Variants in TMEM108 observed in about 807,000 individuals in gnomAD.
TMEM108 encodes the protein cancer/testis antigen 124.
TMEM108 carries 12 observed loss-of-function variants against 35.1 expected under a neutral mutation model. The ratio of observed to expected loss-of-function variants is 0.34; its 90% CI spans 0.22 to 0.55. The LOEUF is 0.55. TMEM108 is among the 20% of genes least tolerant of loss of function. The pLI, the probability that TMEM108 is intolerant of heterozygous loss-of-function variation, is 0.89. For synonymous variants in TMEM108, 287 were observed against 308.6 expected, an observed-to-expected ratio of 0.93 and a Z score of 0.73; for missense variants, 680 against 753.3, an observed-to-expected ratio of 0.90 and a Z score of 1.14.
intron 2 of TMEM108, among the ~76,000 whole-genome samples, chr3:133,187,558 T>A (rs950355760): frequency 1.3e-5 from 2 of 152,214 alleles, no homozygotes; most frequent in African/African-American, 2.4e-5. Context: ...AAGACCAGCC[T>A]GGCCAACATA....
rs557040719 is a variant in TMEM108, at chr3:133,154,322, T to C, written c.-46-74944T>C. 1.8e-3 allele frequency among the ~76,000 whole-genome samples: 277 copies of C among 152,222 alleles called. 3 individuals are homozygous for C. The highest frequency in any genetic ancestry group is 6.5e-3 in the African/African-American group (272 of 41,544). ...GATCCCATTTGTCAATTTTGGCTTTTGTTGCCATTGCTTTTGGTGTTTTAG... is the reference window on the plus strand; with the variant it reads ...GATCCCATTTGTCAATTTTGGCTTTCGTTGCCATTGCTTTTGGTGTTTTAG... On this transcript the variant is annotated intron_variant, in intron 2 of 5. Coordinates refer to ENST00000321871, the MANE Select transcript of TMEM108 (RefSeq NM_023943.4).
intron 3 of TMEM108, among the ~76,000 whole-genome samples, chr3:133,292,038 A>C (rs375933351): frequency 6.6e-5 from 10 of 152,202 alleles, no homozygotes; most frequent in African/African-American, 2.4e-4. Context: ...TAGATTTAGT[A>C]CATTTGGGAT....
At chr3:133,183,091 A>G (rs1362385568) in intron 2 of TMEM108, among the ~76,000 whole-genome samples, 1 of 152,136 alleles carries the variant, frequency 6.6e-6, no homozygotes, top group Non-Finnish European at 1.5e-5. Flanking sequence ...TGCTCTAAGG[A>G]GCATTTCCTT....
intron 2 of TMEM108, among the ~76,000 whole-genome samples, chr3:133,114,791 A>G (rs1053119931): frequency 6.6e-6 from 1 of 152,184 alleles, no homozygotes; most frequent in East Asian, 1.9e-4. Context: ...CCTACTTTGT[A>G]TGGAGGCCCA....
chr3:133,343,710 CT>C (rs1447219476), intron 3 of TMEM108, among the ~76,000 whole-genome samples: 4 of 151,704 alleles, frequency 2.6e-5, no homozygotes, highest in African/African-American at 9.7e-5. Context: ...TAAAAATGGG[CT>C]GTACAGTGAA....
At chr3:133,205,222 C>G (rs1399677829) in intron 2 of TMEM108, among the ~76,000 whole-genome samples, 1 of 151,960 alleles carries the variant, frequency 6.6e-6, no homozygotes, top group Non-Finnish European at 1.5e-5. Flanking sequence ...GATGGGTCTC[C>G]TGAATACAGC....
At chr3:133,364,304 C>T (rs563642139) in intron 3 of TMEM108, among the ~76,000 whole-genome samples, 2 of 152,334 alleles carry the variant, frequency 1.3e-5, no homozygotes, top group Admixed American at 6.5e-5. Context: ...CTTTGTGTGT[C>T]CCATAGCATA....
At chr3:133,145,735 TAA>T in intron 2 of TMEM108, among the ~76,000 whole-genome samples, 3 of 152,318 alleles carry the variant, frequency 2.0e-5, no homozygotes, top group Admixed American at 6.5e-5. Flanking sequence ...CAATTGTGAA[TAA>T]GAGTTCACTC....
chr3:133,269,107 G>A, intron 3 of TMEM108, among the ~76,000 whole-genome samples: 1 of 152,146 alleles, frequency 6.6e-6, no homozygotes, highest in Non-Finnish European at 1.5e-5. Flanking sequence ...TTGGCCATGT[G>A]TCAATCTTTG....
At chr3:133,338,060 A>G (rs2071549784) in intron 3 of TMEM108, among the ~76,000 whole-genome samples, 1 of 152,164 alleles carries the variant, frequency 6.6e-6, no homozygotes, top group Non-Finnish European at 1.5e-5. Context: ...ATAAGGATCT[A>G]GAAAATACCC....
intron 3 of TMEM108, among the ~76,000 whole-genome samples, chr3:133,361,424 G>C (rs767562695): frequency 6.6e-6 from 1 of 152,194 alleles, no homozygotes; most frequent in Non-Finnish European, 1.5e-5. Context: ...GTTATCATGT[G>C]GGTTTAATGA....
chr3:133,366,935 A>G (rs151260044), intron 3 of TMEM108, among the ~76,000 whole-genome samples: 2,195 of 152,342 alleles, frequency 0.014, 52 homozygotes, highest in African/African-American at 0.05. Flanking sequence ...GGGGACTCAC[A>G]TACAGAGGAG....
chr3:133,150,344 T>TTTTG (rs1425537206), intron 2 of TMEM108, among the ~76,000 whole-genome samples: 2 of 148,774 alleles, frequency 1.3e-5, no homozygotes, highest in Non-Finnish European at 3.0e-5. Flanking sequence ...GTTATTTGGT[T>TTTTG]TTTTTTTTTT....
intron 3 of TMEM108, among the ~76,000 whole-genome samples, chr3:133,336,431 G>A (rs1464293659): frequency 6.6e-6 from 1 of 152,082 alleles, no homozygotes; most frequent in East Asian, 1.9e-4. Flanking sequence ...GTCAGAGTAT[G>A]AGGCCCTCTT....
chr3:133,343,456 A>C (rs2071723357), intron 3 of TMEM108, among the ~76,000 whole-genome samples: 1 of 151,964 alleles, frequency 6.6e-6, no homozygotes, highest in Admixed American at 6.6e-5. Flanking sequence ...TAATATCTCC[A>C]AACTGTTAAG....
At chr3:133,230,632 C>A (rs1378694678) in intron 3 of TMEM108, among the ~76,000 whole-genome samples, 1 of 151,982 alleles carries the variant, frequency 6.6e-6, no homozygotes, top group Non-Finnish European at 1.5e-5. Flanking sequence ...ACACACATAC[C>A]CCTCAGAGAA....
At chr3:133,124,896 G>A (rs555411426) in intron 2 of TMEM108, 3 of 152,374 alleles carry the variant, frequency 2.0e-5, no homozygotes, top group African/African-American at 7.2e-5. Flanking sequence ...CAGTAGAGCG[G>A]AGGCAAGCCA....
chr3:133,094,955 A>C lies in TMEM108; in HGVS notation c.-47+48935A>C, dbSNP rs1447714432. ...TATTTGTTGAATGAGTGAACAAATGAATGAGTGGGGAGTTAGTAAGTGACT... is the reference window on the plus strand; with the variant it reads ...TATTTGTTGAATGAGTGAACAAATGCATGAGTGGGGAGTTAGTAAGTGACT... On this transcript the variant is annotated intron_variant, in intron 2 of 5. Transcript: ENST00000321871. Among the ~76,000 whole-genome samples the C allele has an allele frequency of 3.3e-5, 5 of 152,252 alleles. No homozygotes were observed. In the East Asian group the frequency reaches 9.6e-4, roughly 29 times the overall value.
In TMEM108 at chr3:133,380,169, C is replaced by T. The variant is rs777130865; in HGVS notation, c.458C>T (p.Pro153Leu). Residue 153 changes from proline to leucine, a missense_variant, in exon 4 of 6, where the codon CCC becomes CTC. By Grantham distance (98) the Pro-to-Leu change is moderately conservative. This residue lies in a region of TMEM108 where 526 missense variants were observed against 532.1 expected (regional missense o/e 0.99). Transcript: ENST00000321871. The surrounding 1 kb of genome is among the most constrained non-coding windows in gnomAD (Gnocchi z 5.3). ...LTKPPGATSR[P>L]TTAPPRTTTR... The stretch of plus-strand genomic sequence containing the variant: ...AAGCCACCGGGGGCCACCAGCCGCC[C>T]CACCACAGCGCCCCCCCGCACTACC... The T allele has an allele frequency of 1.9e-6, 3 of 1,612,774 alleles. No individual in the cohort carries two copies. The South Asian group carries it at 3.3e-5, about 18-fold the overall frequency.
Sources: gnomAD v4.1 joint callset for allele counts (sites outside exome capture counted in the v4.1 genomes callset) on GRCh38, gnomAD v4.1.1 for gene constraint, gnomAD v4.1.1 regional missense constraint, Gnocchi (gnomAD v3.1) non-coding constraint, MANE v1.5 for transcripts, NCBI Gene and HGNC (gene_info 2026-07-23, HGNC 2026-07-21) for gene names.